AKT1S1: variants seen among roughly 807,000 people sequenced by gnomAD.
AKT1S1 encodes AKT1 substrate 1, also known as proline-rich AKT1 substrate 1.
A neutral mutation model predicts 21.2 loss-of-function variants in AKT1S1; 17 were observed. That is an observed-to-expected ratio of 0.80 (90% CI 0.55 to 1.20). AKT1S1 has a LOEUF of 1.20. Among genes scored for constraint, AKT1S1 ranks in the 50% most tolerant of loss-of-function variants. The pLI, the probability that AKT1S1 is intolerant of heterozygous loss-of-function variation, is 0.00. For missense variants in AKT1S1, 366 were observed against 368.3 expected (o/e 0.99, Z 0.05); for synonymous variants, 181 against 165.6 (o/e 1.09, Z -0.72).
chr19:49,872,894 C>T (rs201650520), intron 2 of AKT1S1, 23 bp downstream of exon 2: 16 of 1,587,990 alleles, frequency 1.0e-5, no homozygotes, highest in Admixed American at 1.7e-5. Context: ...GGGCCGCACC[C>T]GCCCCTGCCC....
chr19:49,876,907 C>T (rs1219538115), intron 1 of AKT1S1: 5 of 416,918 alleles, frequency 1.2e-5, no homozygotes, highest in African/African-American at 2.1e-5. Flanking sequence ...GACCTGACGT[C>T]CCTGACCCAC....
chr19:49,877,003 A>G, intron 1 of AKT1S1: 1 of 278,980 alleles, frequency 3.6e-6, no homozygotes, highest in South Asian at 1.3e-4. Context: ...CATAGTGTAT[A>G]TTGGCTCTCC....
Position 49,869,811 on chromosome 19 carries a change from A to C in AKT1S1, c.*106T>G, listed in dbSNP as rs572115373. 1.2e-4 allele frequency: 146 copies of C among 1,206,498 alleles called. No homozygotes were observed. In the African/African-American group the frequency reaches 2.2e-3, roughly 18 times the overall value. 74.7% of individuals were successfully genotyped at this position (1,206,498 alleles called of 1,614,324 possible). A position where few individuals can be genotyped will look rare whatever the true frequency, so the allele number is the denominator to read the frequency against. On this transcript the variant is annotated 3_prime_UTR_variant, in exon 5 of 5. Coordinates refer to ENST00000344175, the MANE Select transcript of AKT1S1 (RefSeq NM_001098633.4). ...GACAATCTTGGGAATGGGAGACGCA[A>C]GGAGGCCGGTCCCGGATCGGCCTCA...
Position 49,873,312 on chromosome 19 carries a change from A to T in AKT1S1, c.-7-10T>A. On this transcript the variant is annotated splice_polypyrimidine_tract_variant and intron_variant, in intron 1 of 4. Transcript: ENST00000344175. The surrounding 1 kb of genome is among the most constrained non-coding windows in gnomAD (Gnocchi z 6.9). ...CGACGCCATCCGCGCCCTGCGGGCCAGAGCAGGACAGAGGGGGCTGAGGCT... is the reference window on the plus strand; with the variant it reads ...CGACGCCATCCGCGCCCTGCGGGCCTGAGCAGGACAGAGGGGGCTGAGGCT... The T allele has an allele frequency of 6.9e-7, 1 of 1,457,562 alleles. No individual in the cohort carries two copies. The highest frequency in any genetic ancestry group is 8.9e-7 in the Non-Finnish European group (1 of 1,117,378). 90.3% of individuals were successfully genotyped at this position (1,457,562 alleles called of 1,614,324 possible). A position where few individuals can be genotyped will look rare whatever the true frequency, so the allele number is the denominator to read the frequency against.
rs2074860351 is a variant in AKT1S1, at chr19:49,869,721, A to T, written c.*196T>A. On this transcript the variant is annotated 3_prime_UTR_variant, in exon 5 of 5. Coordinates refer to ENST00000344175, the MANE Select transcript of AKT1S1 (RefSeq NM_001098633.4). The stretch of plus-strand genomic sequence containing the variant: ...ACGACAGACCCAATCGGGAAACGGG[A>T]CAGATGCCGCTCCTCGGCGCGGCAG... The T allele has an allele frequency of 3.6e-6, 2 of 556,790 alleles. No individual in the cohort carries two copies. The highest frequency in any genetic ancestry group is 4.1e-5 in the Admixed American group (1 of 24,510). The allele number at this position is 556,790 out of a possible 1,614,324, so 34.5% of individuals were successfully genotyped here.
In AKT1S1 at chr19:49,871,867, G is replaced by A. The variant is rs749301498; in HGVS notation, c.402C>T (p.Asp134=). 2.5e-5 allele frequency: 40 copies of A among 1,612,920 alleles called. No individual in the cohort carries two copies. Among genetic ancestry groups the A allele is most frequent in the East Asian group, 8.9e-5 (4 of 44,876 alleles). The change falls in exon 3 of 5, where the codon GAC becomes GAT. Residue 134 remains aspartate (D), a synonymous_variant. Coordinates refer to ENST00000344175, the MANE Select transcript of AKT1S1 (RefSeq NM_001098633.4). ...DNGGLFVMDE[D]ATLQDLPPFC... Reference sequence around the variant, plus strand: ...AGGGGGGAAGGTCCTGGAGGGTGGCGTCCTCATCCATCACAAAGAGCCCTG... The same window carrying A: ...AGGGGGGAAGGTCCTGGAGGGTGGCATCCTCATCCATCACAAAGAGCCCTG...
chr19:49,871,487 G>A lies in AKT1S1; in HGVS notation c.627+60C>T, dbSNP rs898715329. 63 of 1,604,508 alleles carry A rather than the reference G, an allele frequency of 3.9e-5. 1 individual carries two copies. The African/African-American group carries it at 6.8e-4, about 17-fold the overall frequency. ...AGCATCCATGCTGGAGGGCTTCCTG[G>A]AGGAGGCGGCTCAGAGCCCTTCCAG... On this transcript the variant is annotated intron_variant, in intron 4 of 4. Coordinates refer to ENST00000344175, the MANE Select transcript of AKT1S1 (RefSeq NM_001098633.4).
chr19:49,876,098 T>G, intron 1 of AKT1S1: 1 of 986,838 alleles, frequency 1.0e-6, no homozygotes, highest in Non-Finnish European at 1.2e-6. Context: ...TGTCGAAATT[T>G]TAGTACCCCA....
upstream of AKT1S1, chr19:49,878,170 C>G: frequency 6.3e-7 from 1 of 1,578,022 alleles, no homozygotes; most frequent in Non-Finnish European, 8.6e-7. Context: ...CGGAGTGTAC[C>G]TGCACACCAG....
rs947830621 is a variant in AKT1S1 at position 49,869,558 on chromosome 19, C to G, written c.*359G>C. 1.6e-5 allele frequency: 3 copies of G among 192,730 alleles called. No homozygotes were observed. Among genetic ancestry groups the G allele is most frequent in the Admixed American group, 1.2e-4 (2 of 16,340 alleles). 11.9% of individuals were successfully genotyped at this position (192,730 alleles called of 1,614,324 possible). A position where few individuals can be genotyped will look rare whatever the true frequency, so the allele number is the denominator to read the frequency against. On this transcript the variant is annotated 3_prime_UTR_variant, in exon 5 of 5. Transcript: ENST00000344175. ...GCCAATCAAAAAAAGAGCTGTCCAG[C>G]GACTAGGGGATGGAGCCAATGCCGT...
chr19:49,878,299 G>T (rs1248969837), upstream of AKT1S1: 1 of 1,487,050 alleles, frequency 6.7e-7, no homozygotes, highest in Non-Finnish European at 9.2e-7. Context: ...GGCGGTCTGG[G>T]ATGCAGGCGG....
At chr19:49,872,569 C>T (rs759918916) in intron 2 of AKT1S1, among the ~76,000 whole-genome samples, 1 of 152,174 alleles carries the variant, frequency 6.6e-6, no homozygotes, top group Non-Finnish European at 1.5e-5. Flanking sequence ...GTTGTGGAAA[C>T]GACTCTGGTT....
chr19:49,869,638 C>T lies in AKT1S1; in HGVS notation c.*279G>A, dbSNP rs1308919896. 1.9e-5 allele frequency: 7 copies of T among 367,402 alleles called. No homozygotes were observed. Among genetic ancestry groups the T allele is most frequent in the African/African-American group, 6.3e-5 (3 of 47,516 alleles). The allele number at this position is 367,402 out of a possible 1,614,324, so 22.8% of individuals were successfully genotyped here. On this transcript the variant is annotated 3_prime_UTR_variant, in exon 5 of 5. Transcript: ENST00000344175. ...AACAAAGGAGTTGACCCATTTAGAG[C>T]TTAGAACTCAGCGAGCCAATCCCTT... is the stretch of plus-strand genomic sequence containing the variant.
At chr19:49,876,834 TG>T (rs1277641391) in intron 1 of AKT1S1, 14 of 616,838 alleles carry the variant, frequency 2.3e-5, no homozygotes, top group Non-Finnish European at 3.5e-5. Flanking sequence ...CATTTCCATT[TG>T]CCCCCAACAA....
rs2074885581 is a variant in AKT1S1, at chr19:49,871,669, C to A, written c.505G>T (p.Val169Leu). Residue 169 changes from valine to leucine, a missense_variant, in exon 4 of 5, where the codon GTG (valine) becomes TTG (leucine). By Grantham distance (32) the Val-to-Leu change is conservative. Coordinates refer to ENST00000344175, the MANE Select transcript of AKT1S1 (RefSeq NM_001098633.4). ...GTGGGTAGGGCTGAGGCTGGGGGCA[C>A]TGAGCAGGTGGGGGGGCCGGCGGGG... is the stretch of plus-strand genomic sequence containing the variant. ...ETPAGPPTCS[V>L]PPASALPTQQ... The A allele has an allele frequency of 3.7e-6, 6 of 1,613,862 alleles. No individual in the cohort carries two copies. Among genetic ancestry groups the A allele is most frequent in the Non-Finnish European group, 5.1e-6 (6 of 1,179,984 alleles).
In AKT1S1 at chr19:49,871,672, A is replaced by G. The variant is rs1234697325; in HGVS notation, c.502T>C (p.Ser168Pro). Residue 168 changes from serine to proline, a missense_variant, in exon 4 of 5, where the codon TCA becomes CCA. Ser to Pro is a moderately conservative substitution (Grantham distance 74). Transcript: ENST00000344175. ...EETPAGPPTC[S>P]VPPASALPTQ... ...GGTAGGGCTGAGGCTGGGGGCACTG[A>G]GCAGGTGGGGGGGCCGGCGGGGGTC... 6.2e-7 allele frequency: 1 copy of G among 1,613,514 alleles called. No homozygotes were observed. The highest frequency in any genetic ancestry group is 2.2e-5 in the East Asian group (1 of 44,876).
intron 1 of AKT1S1, chr19:49,874,360 A>G (rs1405553470): frequency 6.6e-6 from 1 of 152,220 alleles, no homozygotes; most frequent in Admixed American, 6.5e-5. Flanking sequence ...GTGCTGGGAA[A>G]TCCACACGGC....
In AKT1S1 at chr19:49,869,742, G is replaced by A. The variant is rs1451788460; in HGVS notation, c.*175C>T. 5.8e-6 allele frequency: 4 copies of A among 685,108 alleles called. No homozygotes were observed. Among genetic ancestry groups the A allele is most frequent in the East Asian group, 3.4e-5 (1 of 29,426 alleles). 42.4% of individuals were successfully genotyped at this position (685,108 alleles called of 1,614,324 possible). On this transcript the variant is annotated 3_prime_UTR_variant, in exon 5 of 5. Coordinates refer to ENST00000344175, the MANE Select transcript of AKT1S1 (RefSeq NM_001098633.4). ...CGGGACAGATGCCGCTCCTCGGCGC[G>A]GCAGGTCGTGGGCTGGAAGGACGGC...
At chr19:49,875,684 G>A (rs535125962) in intron 1 of AKT1S1, among the ~76,000 whole-genome samples, 1 of 152,334 alleles carries the variant, frequency 6.6e-6, no homozygotes, top group South Asian at 2.1e-4. Flanking sequence ...AACTCTCCGT[G>A]TACTCAATCT....
Sources: allele counts gnomAD v4.1 joint callset (sites outside exome capture counted in the v4.1 genomes callset), GRCh38; gene constraint gnomAD v4.1.1; non-coding constraint Gnocchi (gnomAD v3.1); transcripts MANE v1.5; gene names NCBI Gene and HGNC (gene_info 2026-07-23, HGNC 2026-07-21).